PURB: variants seen among roughly 807,000 people sequenced by gnomAD.
PURB encodes transcriptional regulator protein Pur-beta.
Under a neutral mutation model 21.1 loss-of-function variants are expected in PURB, and 11 were observed. The ratio of observed to expected loss-of-function variants is 0.52; its 90% confidence interval spans 0.33 to 0.86. The LOEUF (loss-of-function observed/expected upper bound fraction) is 0.86. Among genes scored for constraint, PURB ranks in the 40% least tolerant of loss-of-function variants. The pLI is 0.02. For missense variants in PURB, 357 were observed against 456.5 expected (o/e 0.78, Z 1.99); for synonymous variants, 246 against 210.8 (o/e 1.17, Z -1.45).
Position 44,877,844 on chromosome 7 carries a change from C to CAGGGATGACACATGTGGGCTGGAACAAGG in PURB, c.*6537_*6565dup, listed in dbSNP as rs1413401904. 6.6e-6 allele frequency: 1 copy of CAGGGATGACACATGTGGGCTGGAACAAGG among 151,900 alleles called. No individual in the cohort carries two copies. The highest frequency in any genetic ancestry group is 1.9e-4 in the East Asian group (1 of 5,186). The allele number at this position is 151,900 out of a possible 1,614,324, so 9.4% of individuals were successfully genotyped here. A position where few individuals can be genotyped will look rare whatever the true frequency, so the allele number is the denominator to read the frequency against. On this transcript the variant is annotated 3_prime_UTR_variant, in exon 1 of 1. Transcript: ENST00000395699. ...AAAGAATCCAGAGAGCTTTTGTACA[C>CAGGGATGACACATGTGGGCTGGAACAAGG]AGGGATGACACATGTGGGCTGGAAC...
rs1793906672 is a variant in PURB, at chr7:44,883,331, CCA to C, written c.*1077_*1078del. ...TATCCATTAAAGCTCAGGCTTATAGCCACACTGTTACTTTTGTAGGTAATCTT... is the reference window on the plus strand; with the variant it reads ...TATCCATTAAAGCTCAGGCTTATAGCCACTGTTACTTTTGTAGGTAATCTT... On this transcript the variant is annotated 3_prime_UTR_variant, in exon 1 of 1. Coordinates refer to ENST00000395699, the MANE Select transcript of PURB (RefSeq NM_033224.5). 1 of 152,622 alleles carries C rather than the reference CCA, an allele frequency of 6.6e-6. No homozygotes were observed. Among genetic ancestry groups the C allele is most frequent in the East Asian group, 1.9e-4 (1 of 5,202 alleles). The allele number at this position is 152,622 out of a possible 1,614,324, so 9.5% of individuals were successfully genotyped here.
chr7:44,884,881 G>A lies in PURB; in HGVS notation c.468C>T (p.Gly156=). 2 of 1,558,842 alleles carry A rather than the reference G, an allele frequency of 1.3e-6. No individual in the cohort carries two copies. Among genetic ancestry groups the A allele is most frequent in the South Asian group, 1.2e-5 (1 of 85,944 alleles). ...CGCCCGGCCCGGGGCCCGCGCCGAA[G>A]CCGCCACCGCCGCGGTTGACCGTTT... is the stretch of plus-strand genomic sequence containing the variant. ...IRQTVNRGGG[G]FGAGPGPGGL... is the part of the protein sequence containing the mutation. The change falls in exon 1 of 1, where the codon GGC becomes GGT. Residue 156 remains glycine, a synonymous_variant. Coordinates refer to ENST00000395699, the MANE Select transcript of PURB (RefSeq NM_033224.5).
rs1162457398 is a variant in PURB, at chr7:44,879,383, T to A, written c.*5027A>T. The A allele has an allele frequency of 6.6e-6, 1 of 151,528 alleles. No individual in the cohort carries two copies. The highest frequency in any genetic ancestry group is 1.5e-5 in the Non-Finnish European group (1 of 67,894). The allele number at this position is 151,528 out of a possible 1,614,324, so 9.4% of individuals were successfully genotyped here. ...CATACTTTATTCTTTTTTGTCTGTA[T>A]TTTCTTAAGGTAAATGTGTTTTTTT... is the stretch of plus-strand genomic sequence containing the variant. On this transcript the variant is annotated 3_prime_UTR_variant, in exon 1 of 1. Transcript: ENST00000395699.
chr7:44,884,803 G>A lies in PURB; in HGVS notation c.546C>T (p.Phe182=), dbSNP rs1005171484. 10 of 1,599,648 alleles carry A rather than the reference G, an allele frequency of 6.3e-6. No homozygotes were observed. In the East Asian group the frequency reaches 1.6e-4, roughly 25 times the overall value. ...IALPAQGLIE[F]RDALAKLIDD... ...CTATGAGCTTCGCCAGCGCGTCGCGGAACTCGATGAGGCCCTGCGCAGGCA... is the reference window on the plus strand; with the variant it reads ...CTATGAGCTTCGCCAGCGCGTCGCGAAACTCGATGAGGCCCTGCGCAGGCA... Residue 182 remains phenylalanine (F), a synonymous_variant, in exon 1 of 1, where the codon TTC becomes TTT. Transcript: ENST00000395699.
In PURB at chr7:44,877,875, T is replaced by C. The variant is rs1039489518; in HGVS notation, c.*6535A>G. The C allele has an allele frequency of 3.3e-5, 5 of 151,322 alleles. No individual in the cohort carries two copies. Among genetic ancestry groups the C allele is most frequent in the South Asian group, 4.2e-4 (2 of 4,802 alleles). 9.4% of individuals were successfully genotyped at this position (151,322 alleles called of 1,614,324 possible). The stretch of plus-strand genomic sequence containing the variant: ...TGACACATGTGGGCTGGAACAAGGG[T>C]TTATGTCTAATATCTTATCAGTTCA... On this transcript the variant is annotated 3_prime_UTR_variant, in exon 1 of 1. Transcript: ENST00000395699.
Position 44,878,862 on chromosome 7 carries a change from G to C in PURB, c.*5548C>G, listed in dbSNP as rs1793836073. The C allele has an allele frequency of 6.6e-6, 1 of 152,218 alleles. No individual in the cohort carries two copies. Among genetic ancestry groups the C allele is most frequent in the Admixed American group, 6.6e-5 (1 of 15,264 alleles). The allele number at this position is 152,218 out of a possible 1,614,324, so 9.4% of individuals were successfully genotyped here. ...AAACTGAGTTTTAAGACTGAGGGCT[G>C]GGAAAGGAGACTTTAAATAGCAAAG... is the stretch of plus-strand genomic sequence containing the variant. On this transcript the variant is annotated 3_prime_UTR_variant, in exon 1 of 1. Transcript: ENST00000395699.
Position 44,884,397 on chromosome 7 carries a change from G to C in PURB, c.*13C>G, listed in dbSNP as rs777193206. 2.0e-5 allele frequency: 33 copies of C among 1,610,028 alleles called. 1 individual carries two copies. In the Admixed American group the frequency reaches 4.2e-4, roughly 20 times the overall value. The stretch of plus-strand genomic sequence containing the variant: ...GGTGGTTGGGTGGAGGCCTGTAGGG[G>C]AAGCTGCCCGTTTCAATCCTCATCC... On this transcript the variant is annotated 3_prime_UTR_variant, in exon 1 of 1. Transcript: ENST00000395699.
In PURB at chr7:44,878,131, A is replaced by T. The variant is rs959395142; in HGVS notation, c.*6279T>A. 2.0e-5 allele frequency: 3 copies of T among 152,210 alleles called. No individual in the cohort carries two copies. The highest frequency in any genetic ancestry group is 4.4e-5 in the Non-Finnish European group (3 of 68,038). 9.4% of individuals were successfully genotyped at this position (152,210 alleles called of 1,614,324 possible). A position where few individuals can be genotyped will look rare whatever the true frequency, so the allele number is the denominator to read the frequency against. On this transcript the variant is annotated 3_prime_UTR_variant, in exon 1 of 1. Transcript: ENST00000395699. ...AATATTTGGCTTTAAGAAATAAGAG[A>T]TGGCCTAAATGGATATTTTGGAAAA...
rs1793858135 is a variant in PURB, at chr7:44,880,261, T to C, written c.*4149A>G. 6.6e-6 allele frequency: 1 copy of C among 152,566 alleles called. No individual in the cohort carries two copies. Among genetic ancestry groups the C allele is most frequent in the South Asian group, 2.1e-4 (1 of 4,830 alleles). The allele number at this position is 152,566 out of a possible 1,614,324, so 9.5% of individuals were successfully genotyped here. A position where few individuals can be genotyped will look rare whatever the true frequency, so the allele number is the denominator to read the frequency against. On this transcript the variant is annotated 3_prime_UTR_variant, in exon 1 of 1. Transcript: ENST00000395699. ...ACAAACTCTCAGCAAATGAGTCATT[T>C]CTACATAAGCAAAAAAGTCACTTTT...
rs1262947793 is a variant in PURB, at chr7:44,876,873, T to G, written c.*7537A>C. On this transcript the variant is annotated 3_prime_UTR_variant, in exon 1 of 1. Transcript: ENST00000395699. The stretch of plus-strand genomic sequence containing the variant: ...TATAGGGTTACAGGTGGAGGGGACC[T>G]TATAAAATTAAAGGTGCAGCTTCTC... 1 of 152,656 alleles carries G rather than the reference T, an allele frequency of 6.6e-6. No individual in the cohort carries two copies. Among genetic ancestry groups the G allele is most frequent in the Admixed American group, 6.5e-5 (1 of 15,270 alleles). The allele number at this position is 152,656 out of a possible 1,614,324, so 9.5% of individuals were successfully genotyped here.
At position 44,884,210 on chromosome 7, in the gene PURB, T is replaced by C. The variant is rs1270782310; in HGVS notation, c.*200A>G. On this transcript the variant is annotated 3_prime_UTR_variant, in exon 1 of 1. Transcript: ENST00000395699. Reference sequence around the variant, plus strand: ...CTCTTTGCAGGTTGCTGTCAGTTCCTTGGAACTTGACTGCTTTTCTCAAGT... The same window carrying C: ...CTCTTTGCAGGTTGCTGTCAGTTCCCTGGAACTTGACTGCTTTTCTCAAGT... 7.7e-6 allele frequency: 10 copies of C among 1,292,826 alleles called. No homozygotes were observed. The highest frequency in any genetic ancestry group is 1.0e-5 in the Non-Finnish European group (10 of 973,578). 80.1% of individuals were successfully genotyped at this position (1,292,826 alleles called of 1,614,324 possible). A position where few individuals can be genotyped will look rare whatever the true frequency, so the allele number is the denominator to read the frequency against.
In PURB at chr7:44,881,014, G is replaced by A. The variant is rs1299868661; in HGVS notation, c.*3396C>T. 1.3e-5 allele frequency: 2 copies of A among 152,472 alleles called. No homozygotes were observed. Among genetic ancestry groups the A allele is most frequent in the Non-Finnish European group, 2.9e-5 (2 of 68,008 alleles). 9.4% of individuals were successfully genotyped at this position (152,472 alleles called of 1,614,324 possible). A position where few individuals can be genotyped will look rare whatever the true frequency, so the allele number is the denominator to read the frequency against. On this transcript the variant is annotated 3_prime_UTR_variant, in exon 1 of 1. Coordinates refer to ENST00000395699, the MANE Select transcript of PURB (RefSeq NM_033224.5). Reference sequence around the variant, plus strand: ...GCTGTTCCACTTGCTGAAATGATAGGGACAATAGAAACCAAAACCAAAACA... The same window carrying A: ...GCTGTTCCACTTGCTGAAATGATAGAGACAATAGAAACCAAAACCAAAACA...
At position 44,876,595 on chromosome 7, in the gene PURB, C is replaced by T. The variant is rs2128690921; in HGVS notation, c.*7815G>A. ...TTCAACCTACAGGCAGTGAGATCAA[C>T]AGCCCGTCTGGACTCTGCTTTTGAA... On this transcript the variant is annotated 3_prime_UTR_variant, in exon 1 of 1. Coordinates refer to ENST00000395699, the MANE Select transcript of PURB (RefSeq NM_033224.5). The T allele has an allele frequency of 6.5e-6, 1 of 152,790 alleles. No homozygotes were observed. The highest frequency in any genetic ancestry group is 1.5e-5 in the Non-Finnish European group (1 of 68,048). 9.5% of individuals were successfully genotyped at this position (152,790 alleles called of 1,614,324 possible). A position where few individuals can be genotyped will look rare whatever the true frequency, so the allele number is the denominator to read the frequency against.
rs1384060952 is a variant in PURB, at chr7:44,884,444, T to TCGC, written c.902_904dup (p.Gly301dup). 4 of 1,613,586 alleles carry TCGC rather than the reference T, an allele frequency of 2.5e-6. No homozygotes were observed. Among genetic ancestry groups the TCGC allele is most frequent in the African/African-American group, 2.7e-5 (2 of 74,896 alleles). On this transcript the variant is annotated inframe_insertion, in exon 1 of 1. Coordinates refer to ENST00000395699, the MANE Select transcript of PURB (RefSeq NM_033224.5). ...ATCCACCTCCTCACCCTCTGACTCT[T>TCGC]CGCCGCCGCCGCTGCCCCCACCACG... is the stretch of plus-strand genomic sequence containing the variant.
At position 44,882,134 on chromosome 7, in the gene PURB, T is replaced by C. The variant is rs1793885156; in HGVS notation, c.*2276A>G. ...TGCCTCAGAGTTGAAACTTAAATAG[T>C]TTCTGCAAACCTAATGCTAGCTTCT... On this transcript the variant is annotated 3_prime_UTR_variant, in exon 1 of 1. Transcript: ENST00000395699. 2 of 152,586 alleles carry C rather than the reference T, an allele frequency of 1.3e-5. No homozygotes were observed. The highest frequency in any genetic ancestry group is 4.8e-5 in the African/African-American group (2 of 41,442). The allele number at this position is 152,586 out of a possible 1,614,324, so 9.5% of individuals were successfully genotyped here.
rs774896845 is a variant in PURB at position 44,880,541 on chromosome 7, C to CA, written c.*3868dup. The CA allele has an allele frequency of 6.6e-6, 1 of 152,654 alleles. No individual in the cohort carries two copies. Among genetic ancestry groups the CA allele is most frequent in the Non-Finnish European group, 1.5e-5 (1 of 68,052 alleles). The allele number at this position is 152,654 out of a possible 1,614,324, so 9.5% of individuals were successfully genotyped here. On this transcript the variant is annotated 3_prime_UTR_variant, in exon 1 of 1. Coordinates refer to ENST00000395699, the MANE Select transcript of PURB (RefSeq NM_033224.5). ...TAAAGCCAGTCAAGGTCACATTTAA[C>CA]AAAGCATCTTCAGCAACTACAGTGC...
Sources: allele counts gnomAD v4.1 joint callset, GRCh38; gene constraint gnomAD v4.1.1; transcripts MANE v1.5; gene names NCBI Gene and HGNC (gene_info 2026-07-23, HGNC 2026-07-21).